The following BRINP1 variants were observed in gnomAD, a reference collection of about 807,000 sequenced individuals.
BRINP1 encodes BMP/retinoic acid-inducible neural-specific protein 1.
In BRINP1, 17 loss-of-function variants were observed where a neutral mutation model predicts 72.9. The observed-to-expected ratio is 0.23, with a 90% CI of 0.16 to 0.35. The LOEUF is 0.35. Ranked by LOEUF, BRINP1 falls within the 10% of genes least tolerant of loss-of-function variation. The probability of loss-of-function intolerance (pLI) is 1.00; values close to 1 mark genes in which losing one functional copy is unlikely to be tolerated. For synonymous variants in BRINP1, 418 were observed against 378.5 expected (o/e 1.10, Z -1.21); for missense variants, 850 against 1,001.6 (o/e 0.85, Z 2.04).
intron 2 of BRINP1, among the ~76,000 whole-genome samples, chr9:119,250,564 A>C (rs1830376843): frequency 6.6e-6 from 1 of 152,248 alleles, no homozygotes; most frequent in African/African-American, 2.4e-5. Flanking sequence ...TGGAAACTGC[A>C]AGGTGCTAAT....
chr9:119,169,651 C>CCTCT (rs1013714021), intron 7 of BRINP1, among the ~76,000 whole-genome samples: 8 of 152,230 alleles, frequency 5.3e-5, no homozygotes, highest in African/African-American at 1.7e-4. Context: ...GGCCTGCCTG[C>CCTCT]CTCTGTAGGC....
chr9:119,337,381 T>C (rs1414764980), intron 1 of BRINP1, among the ~76,000 whole-genome samples: 1 of 152,212 alleles, frequency 6.6e-6, no homozygotes, highest in African/African-American at 2.4e-5. Context: ...ATGAGATCTT[T>C]AGGCTGCTGG....
At position 119,170,998 on chromosome 9, in the gene BRINP1, G is replaced by A. The variant is rs1237920849; in HGVS notation, c.1146-2774C>T. 6.1e-4 allele frequency among the ~76,000 whole-genome samples: 88 copies of A among 143,832 alleles called. 1 individual carries two copies. Among genetic ancestry groups the A allele is most frequent in the African/African-American group, 2.4e-3 (84 of 35,636 alleles). The allele number at this position is 143,832 out of a possible 152,430, so 94.4% of individuals were successfully genotyped here. A position where few individuals can be genotyped will look rare whatever the true frequency, so the allele number is the denominator to read the frequency against. On this transcript the variant is annotated intron_variant, in intron 7 of 7. Coordinates refer to ENST00000265922, the MANE Select transcript of BRINP1 (RefSeq NM_014618.3). ...TGAAGGAAGCGCTAAACATGGAAAGGAACAACCGGTACCAGCCGCTGCAAA... is the reference window on the plus strand; with the variant it reads ...TGAAGGAAGCGCTAAACATGGAAAGAAACAACCGGTACCAGCCGCTGCAAA...
At chr9:119,200,056 A>G (rs958817022) in intron 7 of BRINP1, among the ~76,000 whole-genome samples, 1 of 152,208 alleles carries the variant, frequency 6.6e-6, no homozygotes, top group Non-Finnish European at 1.5e-5. Flanking sequence ...AAGATAATCT[A>G]AATATATTCA....
At chr9:119,348,466 T>C (rs948112807) in intron 1 of BRINP1, among the ~76,000 whole-genome samples, 1 of 152,200 alleles carries the variant, frequency 6.6e-6, no homozygotes, top group Non-Finnish European at 1.5e-5. Context: ...ACATCTTTGG[T>C]AAATGTCAAG....
At chr9:119,266,412 A>G (rs1473122773) in intron 2 of BRINP1, among the ~76,000 whole-genome samples, 1 of 152,220 alleles carries the variant, frequency 6.6e-6, no homozygotes, top group Non-Finnish European at 1.5e-5. Flanking sequence ...AAATTGTAGG[A>G]CAGAAAGTGA....
At chr9:119,208,988 C>T in intron 6 of BRINP1, 47 bp from the exon 7 acceptor site, 1 of 1,518,894 alleles carries the variant, frequency 6.6e-7, no homozygotes, top group Non-Finnish European at 9.1e-7. Context: ...CATGATAACA[C>T]CCATCTAAAG....
intron 1 of BRINP1, among the ~76,000 whole-genome samples, chr9:119,320,837 A>G (rs1011962230): frequency 3.9e-5 from 6 of 152,210 alleles, no homozygotes; most frequent in Non-Finnish European, 7.4e-5. Context: ...GAAATCACAC[A>G]TTAAGTGGAC....
At chr9:119,244,440 G>C (rs1830291631) in intron 3 of BRINP1, among the ~76,000 whole-genome samples, 1 of 152,212 alleles carries the variant, frequency 6.6e-6, no homozygotes, top group Non-Finnish European at 1.5e-5. Flanking sequence ...GTCTGATGAA[G>C]AATAGATGTT....
intron 1 of BRINP1, among the ~76,000 whole-genome samples, chr9:119,317,595 G>A (rs1250493264): frequency 2.0e-5 from 3 of 152,196 alleles, no homozygotes; most frequent in Admixed American, 6.5e-5. Context: ...CAAGATTTGA[G>A]AGTACTGACT....
chr9:119,367,327 G>A (rs1474648585), intron 1 of BRINP1, among the ~76,000 whole-genome samples: 1 of 150,218 alleles, frequency 6.7e-6, no homozygotes, highest in African/African-American at 2.5e-5. Flanking sequence ...CGGCCCCTCC[G>A]TGCTGAGCTA....
intron 2 of BRINP1, among the ~76,000 whole-genome samples, chr9:119,257,997 G>A (rs574540500): frequency 6.6e-6 from 1 of 151,780 alleles, no homozygotes; most frequent in South Asian, 2.1e-4. Context: ...AAAAAAAGAA[G>A]AAGAAAAAAA....
chr9:119,292,276 G>A (rs1010565465), intron 2 of BRINP1, among the ~76,000 whole-genome samples: 1 of 152,146 alleles, frequency 6.6e-6, no homozygotes, highest in Non-Finnish European at 1.5e-5. Context: ...ACTAACCTCT[G>A]CTCAAGTTGA....
intron 3 of BRINP1, among the ~76,000 whole-genome samples, chr9:119,247,487 T>TAA (rs200481257): frequency 3.3e-5 from 5 of 149,984 alleles, no homozygotes; most frequent in East Asian, 2.0e-4. Flanking sequence ...CCGTCTCTAC[T>TAA]AAAAAAAAAT....
chr9:119,289,812 G>A (rs1830803981), intron 2 of BRINP1, among the ~76,000 whole-genome samples: 1 of 152,166 alleles, frequency 6.6e-6, no homozygotes, highest in Non-Finnish European at 1.5e-5. Flanking sequence ...ATTCTGAACT[G>A]ATCACATGGA....
chr9:119,235,413 C>A (rs1830184215), intron 5 of BRINP1, among the ~76,000 whole-genome samples: 1 of 152,060 alleles, frequency 6.6e-6, no homozygotes. Flanking sequence ...TCTATCCATG[C>A]CTCTGTCCTC....
At chr9:119,251,713 G>A (rs1830390561) in intron 2 of BRINP1, among the ~76,000 whole-genome samples, 2 of 152,092 alleles carry the variant, frequency 1.3e-5, no homozygotes, top group Admixed American at 1.3e-4. Flanking sequence ...ATGAAAAAGA[G>A]GGTGTGGGAG....
At chr9:119,227,382 C>G (rs1830102601) in intron 5 of BRINP1, among the ~76,000 whole-genome samples, 1 of 152,058 alleles carries the variant, frequency 6.6e-6, no homozygotes, top group African/African-American at 2.4e-5. Flanking sequence ...TTGATATCCT[C>G]AATCCCTTTC....
intron 4 of BRINP1, 64 bp from the exon 5 acceptor site, chr9:119,238,824 G>A (rs1830217529): frequency 2.7e-6 from 3 of 1,094,806 alleles, no homozygotes; most frequent in Non-Finnish European, 4.1e-6. Flanking sequence ...ATACCCCAAA[G>A]AGTCATGCCC....
Sources: allele counts gnomAD v4.1 joint callset (sites outside exome capture counted in the v4.1 genomes callset), GRCh38; gene constraint gnomAD v4.1.1; transcripts MANE v1.5; gene names NCBI Gene and HGNC (gene_info 2026-07-23, HGNC 2026-07-21).